CCDC15: variants seen among roughly 807,000 people sequenced by gnomAD.
CCDC15 encodes coiled-coil domain-containing protein 15.
Under a neutral mutation model 114.5 loss-of-function variants are expected in CCDC15, and 105 were observed. The ratio of observed to expected loss-of-function variants is 0.92; its 90% CI spans 0.78 to 1.08. The LOEUF is 1.08. CCDC15 is among the 50% of genes least tolerant of loss of function. CCDC15 has a pLI of 0.00. For missense variants in CCDC15, 1,105 were observed against 1,093.6 expected, an observed-to-expected ratio of 1.01 and a Z score of -0.15; for synonymous variants, 334 against 377.8, an observed-to-expected ratio of 0.88 and a Z score of 1.34.
intron 12 of CCDC15, 149 bp downstream of exon 12, chr11:125,004,108 A>T (rs765290752): frequency 4.2e-5 from 19 of 447,284 alleles, no homozygotes; most frequent in African/African-American, 1.2e-4. Context: ...TTGACTCATT[A>T]TAATGTGTTG....
At chr11:124,964,257 A>G (rs1217142848) in intron 4 of CCDC15, among the ~76,000 whole-genome samples, 3 of 152,092 alleles carry the variant, frequency 2.0e-5, no homozygotes, top group Admixed American at 2.0e-4. Context: ...CACGATATTG[A>G]TTCTTCCTGT....
chr11:124,965,019 G>C (rs1313856568), intron 4 of CCDC15, among the ~76,000 whole-genome samples: 1 of 152,118 alleles, frequency 6.6e-6, no homozygotes, highest in Non-Finnish European at 1.5e-5. Context: ...TAAGCTTTTT[G>C]ATGTGCTGCT....
chr11:125,036,766 C>T (rs1346280403), intron 13 of CCDC15, among the ~76,000 whole-genome samples: 2 of 152,056 alleles, frequency 1.3e-5, no homozygotes, highest in African/African-American at 2.4e-5. Context: ...GACTGTGATG[C>T]ATTCTTTAGT....
chr11:125,040,708 A>G lies in CCDC15; in HGVS notation c.2853A>G (p.Leu951=), dbSNP rs201011647. The change falls in exon 16 of 16, where the codon CTA becomes CTG. Residue 951 remains leucine (L), a synonymous_variant. Coordinates refer to ENST00000344762, the MANE Select transcript of CCDC15 (RefSeq NM_025004.3). ...ASAHRRTLKN[L] ...CACACAGGCGGACTTTGAAAAATCT[A>G]TAATAAGAATCTGAAATTAACTGGT... 6.5e-5 allele frequency: 104 copies of G among 1,611,218 alleles called. No homozygotes were observed. The African/African-American group carries it at 1.0e-3, about 16-fold the overall frequency.
intron 11 of CCDC15, among the ~76,000 whole-genome samples, chr11:125,000,758 A>G (rs1948466392): frequency 6.6e-6 from 1 of 152,224 alleles, no homozygotes; most frequent in Non-Finnish European, 1.5e-5. Context: ...CTTTATTGAT[A>G]TATACAGTTT....
At position 125,039,105 on chromosome 11, in the gene CCDC15, C is replaced by A. The variant is rs774240450; in HGVS notation, c.2734+36C>A. On this transcript the variant is annotated intron_variant, in intron 15 of 15. Transcript: ENST00000344762. ...TGAAGGAATAGTCAGGGCCTAATGGCAACAAGAAAAATAAATAAGAGTAGT... is the reference window on the plus strand; with the variant it reads ...TGAAGGAATAGTCAGGGCCTAATGGAAACAAGAAAAATAAATAAGAGTAGT... 3.3e-6 allele frequency: 5 copies of A among 1,523,528 alleles called. No homozygotes were observed. In the Admixed American group the frequency reaches 6.2e-5, roughly 19 times the overall value. The allele number at this position is 1,523,528 out of a possible 1,614,324, so 94.4% of individuals were successfully genotyped here.
chr11:125,019,401 T>G (rs1948648528), intron 13 of CCDC15, among the ~76,000 whole-genome samples: 1 of 151,928 alleles, frequency 6.6e-6, no homozygotes, highest in African/African-American at 2.4e-5. Flanking sequence ...TTAAGGTAGA[T>G]TTGATTACTC....
At position 124,954,763 on chromosome 11, in the gene CCDC15, C is replaced by T. The variant is rs760221277; in HGVS notation, c.31C>T (p.Arg11Ter). MLGSMARKKP[R>*]NTSRLPLALN... Reference sequence around the variant, plus strand: ...GGGAAGTATGGCCCGAAAGAAACCTCGAAATACCTCAAGGTTGCCCCTGGC... The same window carrying T: ...GGGAAGTATGGCCCGAAAGAAACCTTGAAATACCTCAAGGTTGCCCCTGGC... Residue 11 changes from arginine (R) to a stop codon, truncating the protein, a stop_gained, in exon 2 of 16, where the codon CGA becomes TGA. Coordinates refer to ENST00000344762, the MANE Select transcript of CCDC15 (RefSeq NM_025004.3). LOFTEE classifies it high-confidence loss of function. The T allele has an allele frequency of 1.9e-6, 3 of 1,613,944 alleles. No homozygotes were observed. Among genetic ancestry groups the T allele is most frequent in the Non-Finnish European group, 2.5e-6 (3 of 1,179,858 alleles).
chr11:124,976,698 T>G (rs911831257), intron 5 of CCDC15, among the ~76,000 whole-genome samples: 3 of 152,140 alleles, frequency 2.0e-5, no homozygotes, highest in Non-Finnish European at 2.9e-5. Context: ...ACCTTTCAAC[T>G]GGTGTTTTTC....
Position 124,987,867 on chromosome 11 carries a change from C to T in CCDC15, c.1641C>T (p.Leu547=). ...QDFLSRDQHV[L]PKDWNILPKC... Reference sequence around the variant, plus strand: ...TTTTATCTAGAGACCAGCATGTTCTCCCCAAAGACTGGAATATTCTACCCA... The same window carrying T: ...TTTTATCTAGAGACCAGCATGTTCTTCCCAAAGACTGGAATATTCTACCCA... The change falls in exon 8 of 16, where the codon CTC becomes CTT. Residue 547 remains leucine, a synonymous_variant. Transcript: ENST00000344762. 2 of 1,613,928 alleles carry T rather than the reference C, an allele frequency of 1.2e-6. No individual in the cohort carries two copies. The highest frequency in any genetic ancestry group is 1.7e-6 in the Non-Finnish European group (2 of 1,179,872).
At chr11:125,040,065 C>T (rs1048979379) in intron 15 of CCDC15, among the ~76,000 whole-genome samples, 30 of 148,496 alleles carry the variant, frequency 2.0e-4, no homozygotes, top group Non-Finnish European at 4.3e-4. Flanking sequence ...TTTTTTTTTC[C>T]GAGACAGCCT....
intron 11 of CCDC15, among the ~76,000 whole-genome samples, chr11:125,001,091 T>G (rs1948473127): frequency 6.6e-6 from 1 of 152,180 alleles, no homozygotes; most frequent in African/African-American, 2.4e-5. Context: ...TAATAATAGA[T>G]AGTACTTCAG....
chr11:124,974,653 T>C (rs1947943746), intron 4 of CCDC15, among the ~76,000 whole-genome samples: 1 of 152,014 alleles, frequency 6.6e-6, no homozygotes, highest in South Asian at 2.1e-4. Context: ...TAAAAGGGCT[T>C]TAAGGAAACT....
At position 125,025,087 on chromosome 11, in the gene CCDC15, TATATATATGA is replaced by T. The variant is rs1300819558; in HGVS notation, c.2412-13327_2412-13318del. Among the ~76,000 whole-genome samples, 661 of 76,276 alleles carry T rather than the reference TATATATATGA, an allele frequency of 8.7e-3. 10 individuals are homozygous for T. The highest frequency in any genetic ancestry group is 0.03 in the African/African-American group (617 of 20,396). 50.0% of individuals were successfully genotyped at this position (76,276 alleles called of 152,430 possible). On this transcript the variant is annotated intron_variant, in intron 13 of 15. Transcript: ENST00000344762. ...ATATGAATATATGAATATATATGAA[TATATATATGA>T]ATATATATGAATATATGTGAGTATA...
chr11:125,007,656 A>G (rs1180172946), intron 13 of CCDC15, among the ~76,000 whole-genome samples: 3 of 152,046 alleles, frequency 2.0e-5, no homozygotes, highest in African/African-American at 2.4e-5. Flanking sequence ...AGAAATCTCC[A>G]TACCGTTTTC....
At chr11:124,955,936 A>G (rs1947540682) in intron 2 of CCDC15, among the ~76,000 whole-genome samples, 1 of 152,188 alleles carries the variant, frequency 6.6e-6, no homozygotes, top group Non-Finnish European at 1.5e-5. Context: ...GATGTGACCC[A>G]GGAAAGTGTA....
At chr11:125,013,709 C>T (rs898015872) in intron 13 of CCDC15, among the ~76,000 whole-genome samples, 1 of 152,122 alleles carries the variant, frequency 6.6e-6, no homozygotes, top group East Asian at 1.9e-4. Context: ...TTTCAGGAAG[C>T]TAGTGAGTTC....
At chr11:124,965,373 G>A (rs898315142) in intron 4 of CCDC15, among the ~76,000 whole-genome samples, 5 of 151,980 alleles carry the variant, frequency 3.3e-5, no homozygotes, top group Admixed American at 2.0e-4. Flanking sequence ...GTCTTGGGAG[G>A]GTGTATGTGT....
chr11:124,955,799 A>G (rs992383620), intron 2 of CCDC15, among the ~76,000 whole-genome samples: 2 of 152,220 alleles, frequency 1.3e-5, no homozygotes, highest in African/African-American at 4.8e-5. Flanking sequence ...GTTTGCACAT[A>G]TGTATGTATA....
Sources: gnomAD v4.1 joint callset for allele counts (sites outside exome capture counted in the v4.1 genomes callset) on GRCh38, gnomAD v4.1.1 for gene constraint, MANE v1.5 for transcripts, NCBI Gene and HGNC (gene_info 2026-07-23, HGNC 2026-07-21) for gene names.